The following PTPRD variants were observed in gnomAD, a reference collection of about 807,000 sequenced individuals.
The protein encoded by PTPRD is protein tyrosine phosphatase receptor type D, also known as receptor-type tyrosine-protein phosphatase delta.
PTPRD carries 34 observed loss-of-function variants against 214.5 expected under a neutral mutation model. The observed-to-expected ratio is 0.16, with a 90% CI of 0.12 to 0.21. The LOEUF (loss-of-function observed/expected upper bound fraction) is 0.21. PTPRD is among the 10% of genes least tolerant of loss of function. The pLI, the probability that PTPRD is intolerant of heterozygous loss-of-function variation, is 1.00. For synonymous variants in PTPRD, 1,128 were observed against 845.7 expected (o/e 1.33, Z -5.79); for missense variants, 2,545 against 2,398.7 (o/e 1.06, Z -1.27).
At chr9:9,652,851 T>G (rs928132689) in intron 7 of PTPRD, among the ~76,000 whole-genome samples, 2 of 151,998 alleles carry the variant, frequency 1.3e-5, no homozygotes, top group African/African-American at 4.8e-5. Flanking sequence ...TGACCTCAGG[T>G]GATCCACCTG....
chr9:9,306,306 G>A (rs1334039027), intron 9 of PTPRD, among the ~76,000 whole-genome samples: 1 of 151,848 alleles, frequency 6.6e-6, no homozygotes. Context: ...GCTCACACCT[G>A]TAATCTCAGC....
intron 11 of PTPRD, among the ~76,000 whole-genome samples, chr9:8,981,566 C>A (rs557803053): frequency 6.6e-6 from 1 of 152,012 alleles, no homozygotes; most frequent in East Asian, 1.9e-4. Context: ...AGTGGTGCAA[C>A]TGTATGTGGC....
intron 9 of PTPRD, among the ~76,000 whole-genome samples, chr9:9,218,919 T>C (rs2099954056): frequency 6.6e-6 from 1 of 152,098 alleles, no homozygotes; most frequent in South Asian, 2.1e-4. Context: ...AGAAGCCAAA[T>C]AGACCTTTTA....
At chr9:9,073,093 TAAAG>T (rs1306937529) in intron 10 of PTPRD, among the ~76,000 whole-genome samples, 1 of 152,084 alleles carries the variant, frequency 6.6e-6, no homozygotes, top group Non-Finnish European at 1.5e-5. Flanking sequence ...TAAAAAGGGG[TAAAG>T]AAAGACGAGA....
Position 8,437,157 on chromosome 9 carries a change from G to T in PTPRD, c.3989-468C>A, listed in dbSNP as rs1590396502. 5.7e-6 allele frequency: 8 copies of T among 1,415,236 alleles called. No individual in the cohort carries two copies. In the East Asian group the frequency reaches 2.0e-4, roughly 35 times the overall value. The allele number at this position is 1,415,236 out of a possible 1,614,324, so 87.7% of individuals were successfully genotyped here. On this transcript the variant is annotated intron_variant, in intron 34 of 45. Coordinates refer to ENST00000381196, the MANE Select transcript of PTPRD (RefSeq NM_002839.4). ...AAAGGGAAAGAGTAGTAGCTTGATA[G>T]TAAACATAAAATGACTTATGCATAA...
At chr9:10,223,767 G>C (rs1358893803) in intron 3 of PTPRD, among the ~76,000 whole-genome samples, 3 of 149,506 alleles carry the variant, frequency 2.0e-5, no homozygotes, top group African/African-American at 4.9e-5. Context: ...AAAACCTCTG[G>C]GTAACAGAAG....
chr9:8,573,305 T>C (rs1316084287), intron 14 of PTPRD, among the ~76,000 whole-genome samples: 1 of 152,060 alleles, frequency 6.6e-6, no homozygotes, highest in Non-Finnish European at 1.5e-5. Flanking sequence ...ATATACATAT[T>C]TATTTCCAGT....
At chr9:9,888,811 G>C (rs888879739) in intron 5 of PTPRD, among the ~76,000 whole-genome samples, 1 of 152,070 alleles carries the variant, frequency 6.6e-6, no homozygotes, top group Non-Finnish European at 1.5e-5. Context: ...GACAGATAGG[G>C]AAGACAAAGA....
At chr9:8,529,518 T>C (rs2075130273) in intron 14 of PTPRD, among the ~76,000 whole-genome samples, 1 of 152,114 alleles carries the variant, frequency 6.6e-6, no homozygotes, top group Admixed American at 6.6e-5. Flanking sequence ...ATCTGCATCA[T>C]TTTCAGTAAT....
At position 9,725,458 on chromosome 9, in the gene PTPRD, G is replaced by T. The variant is rs112351057; in HGVS notation, c.-287+9075C>A. Among the ~76,000 whole-genome samples, 253 of 152,048 alleles carry T rather than the reference G, an allele frequency of 1.7e-3. 1 individual carries two copies. The highest frequency in any genetic ancestry group is 5.7e-3 in the African/African-American group (235 of 41,484). On this transcript the variant is annotated intron_variant, in intron 7 of 45. Transcript: ENST00000381196. ...TTTCTTCCTATTCTCAGCTTATGTC[G>T]TTATCAAGAGTGTGAAAATGGACTA... is the stretch of plus-strand genomic sequence containing the variant.
At chr9:8,727,773 C>T (rs1417470540) in intron 12 of PTPRD, among the ~76,000 whole-genome samples, 1 of 152,166 alleles carries the variant, frequency 6.6e-6, no homozygotes, top group African/African-American at 2.4e-5. Context: ...CCTCTTCAAC[C>T]TCCCAAGTAG....
chr9:10,331,053 T>G (rs977318002), intron 3 of PTPRD, among the ~76,000 whole-genome samples: 1 of 151,830 alleles, frequency 6.6e-6, no homozygotes, highest in African/African-American at 2.4e-5. Context: ...ATGGTTCAGC[T>G]GACTTACAGC....
At chr9:8,535,847 G>C (rs1046093567) in intron 14 of PTPRD, among the ~76,000 whole-genome samples, 8 of 151,836 alleles carry the variant, frequency 5.3e-5, no homozygotes, top group African/African-American at 1.9e-4. Context: ...TAATTGTTCA[G>C]CTCTGGAGAG....
At chr9:8,641,127 A>C (rs1258493123) in intron 12 of PTPRD, among the ~76,000 whole-genome samples, 1 of 148,498 alleles carries the variant, frequency 6.7e-6, no homozygotes, top group Non-Finnish European at 1.5e-5. Context: ...ATTTTGTCAT[A>C]GATATTGTCC....
intron 3 of PTPRD, among the ~76,000 whole-genome samples, chr9:10,069,786 T>A (rs937173771): frequency 2.0e-5 from 3 of 152,024 alleles, no homozygotes; most frequent in African/African-American, 7.2e-5. Context: ...ATTATGACAA[T>A]TATGAAATGA....
chr9:10,058,685 C>T (rs935679017), intron 3 of PTPRD, among the ~76,000 whole-genome samples: 2 of 152,058 alleles, frequency 1.3e-5, no homozygotes, highest in Admixed American at 6.6e-5. Context: ...GAGACAATAG[C>T]TTCTCATATT....
intron 11 of PTPRD, among the ~76,000 whole-genome samples, chr9:8,769,015 G>A (rs1405050009): frequency 6.6e-6 from 1 of 152,152 alleles, no homozygotes; most frequent in Non-Finnish European, 1.5e-5. Flanking sequence ...CACAGGGGAG[G>A]TGTTTAGCCA....
chr9:9,758,860 T>C (rs1049175995), intron 6 of PTPRD, among the ~76,000 whole-genome samples: 3 of 151,874 alleles, frequency 2.0e-5, no homozygotes, highest in African/African-American at 7.3e-5. Flanking sequence ...GTTGAAGATT[T>C]AAAATAATCA....
intron 4 of PTPRD, among the ~76,000 whole-genome samples, chr9:10,000,430 C>G (rs898075098): frequency 3.3e-5 from 5 of 152,032 alleles, no homozygotes. Flanking sequence ...ATGGACAAGC[C>G]ATTCTTCCAA....
Sources: gnomAD v4.1 joint callset for allele counts (sites outside exome capture counted in the v4.1 genomes callset) on GRCh38, gnomAD v4.1.1 for gene constraint, MANE v1.5 for transcripts, NCBI Gene and HGNC (gene_info 2026-07-23, HGNC 2026-07-21) for gene names.